Variants in NCOA2 observed in about 807,000 individuals in gnomAD.
The protein encoded by NCOA2 is class E basic helix-loop-helix protein 75.
In NCOA2, 21 loss-of-function variants were observed where a neutral mutation model predicts 145.1. The observed-to-expected ratio is 0.14, with a 90% CI of 0.10 to 0.21. The LOEUF is 0.21. Among genes scored for constraint, NCOA2 ranks in the 10% least tolerant of loss-of-function variants. The pLI is 1.00. For missense variants in NCOA2, 1,472 were observed against 1,837.6 expected (o/e 0.80, Z 3.64); for synonymous variants, 619 against 637.5 (o/e 0.97, Z 0.44).
chr8:70,229,854 G>A (rs776165568), intron 2 of NCOA2, among the ~76,000 whole-genome samples: 4 of 152,174 alleles, frequency 2.6e-5, no homozygotes, highest in Non-Finnish European at 4.4e-5. Flanking sequence ...TGTAAGAACC[G>A]CTGCCCTAAA....
intron 2 of NCOA2, among the ~76,000 whole-genome samples, chr8:70,288,416 A>G (rs1826406356): frequency 6.6e-6 from 1 of 152,004 alleles, no homozygotes; most frequent in African/African-American, 2.4e-5. Flanking sequence ...CATCTCTACT[A>G]AAAATACAAA....
the NCOA2 span, among the ~76,000 whole-genome samples, chr8:70,443,053 G>C: frequency 6.6e-6 from 1 of 152,096 alleles, no homozygotes; most frequent in Non-Finnish European, 1.5e-5. Context: ...CTTCCTCGAA[G>C]ACATAAAAAT....
chr8:70,164,459 T>C (rs1563553601), intron 7 of NCOA2, among the ~76,000 whole-genome samples: 1 of 152,068 alleles, frequency 6.6e-6, no homozygotes, highest in Non-Finnish European at 1.5e-5. Context: ...TGACAAAGAG[T>C]TTATTATTTT....
rs533187308 is a variant in NCOA2 at position 70,360,758 on chromosome 8, T to C, written c.-77+42942A>G. 2.0e-5 allele frequency among the ~76,000 whole-genome samples: 3 copies of C among 152,006 alleles called. No homozygotes were observed. The South Asian group carries it at 6.3e-4, about 32-fold the overall frequency. On this transcript the variant is annotated intron_variant, in intron 1 of 22. Coordinates refer to ENST00000452400, the MANE Select transcript of NCOA2 (RefSeq NM_006540.4). The stretch of plus-strand genomic sequence containing the variant: ...TTAGAGACCAGCCTGGCCAACATGG[T>C]GAAACCACATCTCTACTAAAAATAC...
chr8:70,198,199 G>A (rs548740204), intron 4 of NCOA2, among the ~76,000 whole-genome samples: 1 of 152,350 alleles, frequency 6.6e-6, no homozygotes, highest in South Asian at 2.1e-4. Context: ...CCACAAAAGA[G>A]CTGTCGTGGT....
At chr8:70,172,691 A>T (rs1032868105) in intron 5 of NCOA2, among the ~76,000 whole-genome samples, 1 of 152,114 alleles carries the variant, frequency 6.6e-6, no homozygotes, top group Non-Finnish European at 1.5e-5. Context: ...TCCCTTTTCA[A>T]CTCACTGCTT....
intron 1 of NCOA2, among the ~76,000 whole-genome samples, chr8:70,358,376 A>G (rs902000011): frequency 1.3e-5 from 2 of 152,204 alleles, no homozygotes; most frequent in Non-Finnish European, 2.9e-5. Context: ...CTACAAAGCT[A>G]TCATAATCAA....
intron 9 of NCOA2, among the ~76,000 whole-genome samples, chr8:70,162,459 G>A (rs980388470): frequency 1.3e-5 from 2 of 152,118 alleles, no homozygotes; most frequent in Non-Finnish European, 2.9e-5. Flanking sequence ...AGAAGCCCCT[G>A]GATCAAAGAA....
At chr8:70,383,951 G>T (rs938722031) in intron 1 of NCOA2, among the ~76,000 whole-genome samples, 1 of 152,134 alleles carries the variant, frequency 6.6e-6, no homozygotes, top group Non-Finnish European at 1.5e-5. Context: ...TGTGGATCTG[G>T]AAATTTTCCA....
the NCOA2 span, among the ~76,000 whole-genome samples, chr8:70,451,217 C>CAAAAAA: frequency 7.7e-4 from 50 of 65,326 alleles, no homozygotes; most frequent in Non-Finnish European, 8.3e-4. Context: ...GACTCCGTCT[C>CAAAAAA]AAAAAAAAAA....
chr8:70,381,573 C>G (rs942594975), intron 1 of NCOA2, among the ~76,000 whole-genome samples: 1 of 152,158 alleles, frequency 6.6e-6, no homozygotes, highest in Non-Finnish European at 1.5e-5. Context: ...TCCAGCCTAG[C>G]AGGTGAATTG....
rs114802609 is a variant in NCOA2 at position 70,387,322 on chromosome 8, T to G, written c.-77+16378A>C. 7.3e-3 allele frequency among the ~76,000 whole-genome samples: 1,112 copies of G among 152,336 alleles called. 15 individuals carry two copies. The highest frequency in any genetic ancestry group is 0.025 in the African/African-American group (1,040 of 41,572). ...CTGGGGCTTTGGGTATGCACCACCC[T>G]GCCATGTTGGCAATATCAGAAAGTT... On this transcript the variant is annotated intron_variant, in intron 1 of 22. Coordinates refer to ENST00000452400, the MANE Select transcript of NCOA2 (RefSeq NM_006540.4).
At chr8:70,438,964 C>T in the NCOA2 span, among the ~76,000 whole-genome samples, 726 of 152,230 alleles carry the variant, frequency 4.8e-3, 4 homozygotes, top group Middle Eastern at 0.017. Flanking sequence ...GAAATTTGGG[C>T]TTCTGCCTAA....
At chr8:70,120,352 A>ATG (rs1193712041) in intron 22 of NCOA2, among the ~76,000 whole-genome samples, 2 of 152,220 alleles carry the variant, frequency 1.3e-5, no homozygotes, top group African/African-American at 4.8e-5. Context: ...CTAGGTACAC[A>ATG]TTTCAATTAC....
the NCOA2 span, among the ~76,000 whole-genome samples, chr8:70,413,097 CAAAAAAA>C: frequency 1.7e-5 from 1 of 59,318 alleles, no homozygotes; most frequent in Non-Finnish European, 3.9e-5. Flanking sequence ...GACTCCGTCT[CAAAAAAA>C]AAAAAAAAAA....
rs563308853 is a variant in NCOA2, at chr8:70,171,484, T to G, written c.364-1105A>C. On this transcript the variant is annotated intron_variant, in intron 5 of 22. Transcript: ENST00000452400. ...ATCATGTTTACCTTGGTGATGGAAATGTTGGGGGTTTAGTTTCTCCTGGTT... is the reference window on the plus strand; with the variant it reads ...ATCATGTTTACCTTGGTGATGGAAAGGTTGGGGGTTTAGTTTCTCCTGGTT... 8.3e-4 allele frequency among the ~76,000 whole-genome samples: 127 copies of G among 152,298 alleles called. 1 individual carries two copies. Among genetic ancestry groups the G allele is most frequent in the African/African-American group, 3.0e-3 (123 of 41,558 alleles).
chr8:70,416,343 A>T, the NCOA2 span, among the ~76,000 whole-genome samples: 1 of 152,136 alleles, frequency 6.6e-6, no homozygotes, highest in Non-Finnish European at 1.5e-5. Context: ...GCCTAGACAA[A>T]TTGACACATT....
intron 2 of NCOA2, among the ~76,000 whole-genome samples, chr8:70,247,544 CAT>C (rs1330241536): frequency 1.3e-5 from 2 of 152,126 alleles, no homozygotes; most frequent in Non-Finnish European, 2.9e-5. Flanking sequence ...GCCAAGGCAA[CAT>C]ATAAAATCAA....
At chr8:70,256,156 G>A (rs1279762993) in intron 2 of NCOA2, among the ~76,000 whole-genome samples, 1 of 152,122 alleles carries the variant, frequency 6.6e-6, no homozygotes, top group Non-Finnish European at 1.5e-5. Flanking sequence ...AGAGGGGAAG[G>A]TTTCCAGATT....
Sources: allele counts gnomAD v4.1 joint callset (sites outside exome capture counted in the v4.1 genomes callset), GRCh38; gene constraint gnomAD v4.1.1; transcripts MANE v1.5; gene names NCBI Gene and HGNC (gene_info 2026-07-23, HGNC 2026-07-21).